PWWP3A: variants seen among roughly 807,000 people sequenced by gnomAD.
The protein encoded by PWWP3A is PWWP domain containing 3A, DNA repair factor.
A neutral mutation model predicts 79.0 loss-of-function variants in PWWP3A; 53 were observed. The ratio of observed to expected loss-of-function variants is 0.67; its 90% CI spans 0.54 to 0.84. PWWP3A has a LOEUF of 0.84. Ranked by LOEUF, PWWP3A falls within the 40% of genes least tolerant of loss-of-function variation. PWWP3A has a pLI of 0.00. For synonymous variants in PWWP3A, 443 were observed against 394.4 expected, an observed-to-expected ratio of 1.12 and a Z score of -1.46; for missense variants, 973 against 948.0, an observed-to-expected ratio of 1.03 and a Z score of -0.35.
At chr19:1,371,947 G>A (rs2082270305) in intron 12 of PWWP3A, among the ~76,000 whole-genome samples, 1 of 151,748 alleles carries the variant, frequency 6.6e-6, no homozygotes, top group African/African-American at 2.4e-5. Context: ...TGGGACTACA[G>A]GCGCCCGCCA....
At position 1,376,724 on chromosome 19, in the gene PWWP3A, G is replaced by A. The variant is rs266805; in HGVS notation, c.*148G>A. On this transcript the variant is annotated 3_prime_UTR_variant, in exon 14 of 14. Coordinates refer to ENST00000591337, the MANE Select transcript of PWWP3A (RefSeq NM_001369789.1). ...CCTGCGTGGCAGTCCTGATTTCCAT[G>A]CTTCTGGAGAATCCATTTCGTTAAC... 0.74 allele frequency: 449,445 copies of A among 609,918 alleles called. 167,476 individuals are homozygous for A. Among genetic ancestry groups the A allele is most frequent in the African/African-American group, 0.89 (47,161 of 52,882 alleles). The allele number at this position is 609,918 out of a possible 1,614,324, so 37.8% of individuals were successfully genotyped here.
At position 1,362,310 on chromosome 19, in the gene PWWP3A, A is replaced by G; in HGVS notation, c.1172A>G (p.Asp391Gly). The part of the protein sequence containing the change: ...SNSMRSILEE[D>G]EEDEEPPRVL... The stretch of plus-strand genomic sequence containing the variant: ...TCCATGCGTTCTATCCTGGAGGAAG[A>G]CGAGGAAGACGAGGAGCCACCAAGA... The change falls in exon 6 of 14, where the codon GAC becomes GGC. Residue 391 changes from aspartate to glycine, a missense_variant. Coordinates refer to ENST00000591337, the MANE Select transcript of PWWP3A (RefSeq NM_001369789.1). The G allele has an allele frequency of 1.2e-6, 2 of 1,613,766 alleles. No individual in the cohort carries two copies. The highest frequency in any genetic ancestry group is 1.1e-5 in the South Asian group (1 of 90,998).
chr19:1,367,376 T>G (rs890204767), intron 9 of PWWP3A, among the ~76,000 whole-genome samples, 156 bp downstream of exon 9: 1 of 152,146 alleles, frequency 6.6e-6, no homozygotes, highest in African/African-American at 2.4e-5. Context: ...GCCGTTAGAG[T>G]TAGATCGTGG....
rs918950166 is a variant in PWWP3A, at chr19:1,356,538, T to G, written c.57+89T>G. 7 of 1,300,548 alleles carry G rather than the reference T, an allele frequency of 5.4e-6. No individual in the cohort carries two copies. In the African/African-American group the frequency reaches 8.7e-5, roughly 16 times the overall value. 80.6% of individuals were successfully genotyped at this position (1,300,548 alleles called of 1,614,324 possible). ...TGATCAGGAGATACCTAGGATTTGC[T>G]TCAGTGAAATAATTGAGCCAGAACA... is the stretch of plus-strand genomic sequence containing the variant. On this transcript the variant is annotated intron_variant, in intron 2 of 13. Coordinates refer to ENST00000591337, the MANE Select transcript of PWWP3A (RefSeq NM_001369789.1).
rs2082411933 is a variant in PWWP3A at position 1,376,739 on chromosome 19, ATTTCG to A, written c.*166_*170del. On this transcript the variant is annotated 3_prime_UTR_variant, in exon 14 of 14. Transcript: ENST00000591337. ...TGATTTCCATGCTTCTGGAGAATCC[ATTTCG>A]TTAACACTGAAAGCCAGTTCTCTTT... 1 of 543,294 alleles carries A rather than the reference ATTTCG, an allele frequency of 1.8e-6. No individual in the cohort carries two copies. Among genetic ancestry groups the A allele is most frequent in the East Asian group, 3.2e-5 (1 of 31,262 alleles). The allele number at this position is 543,294 out of a possible 1,614,324, so 33.7% of individuals were successfully genotyped here. A position where few individuals can be genotyped will look rare whatever the true frequency, so the allele number is the denominator to read the frequency against.
intron 1 of PWWP3A, among the ~76,000 whole-genome samples, chr19:1,355,844 C>T (rs1208502210): frequency 6.6e-6 from 1 of 151,848 alleles, no homozygotes; most frequent in Non-Finnish European, 1.5e-5. Flanking sequence ...CAGTCCTTCC[C>T]ATTGATGCTG....
intron 12 of PWWP3A, 109 bp downstream of exon 12, chr19:1,371,187 C>A (rs779412098): frequency 2.4e-6 from 3 of 1,275,832 alleles, no homozygotes; most frequent in Admixed American, 2.0e-5. Flanking sequence ...CCTGGCCGTT[C>A]GGCGGCCAAC....
At chr19:1,362,142 G>A (rs937875401) in intron 5 of PWWP3A, 108 bp from the exon 6 acceptor site, 3 of 861,686 alleles carry the variant, frequency 3.5e-6, no homozygotes, top group East Asian at 2.7e-5. Flanking sequence ...GTATAGCATG[G>A]AACCTTTTCT....
Position 1,376,625 on chromosome 19 carries a change from C to G in PWWP3A, c.*49C>G. ...GCGGGGCCTGGCGGTGGAAGCGCCT[C>G]CAGTGTGCATGAGCGTGTCTGAAGA... On this transcript the variant is annotated 3_prime_UTR_variant, in exon 14 of 14. Transcript: ENST00000591337. The G allele has an allele frequency of 1.9e-6, 3 of 1,592,334 alleles. No individual in the cohort carries two copies. Among genetic ancestry groups the G allele is most frequent in the African/African-American group, 1.3e-5 (1 of 74,552 alleles).
chr19:1,355,091 C>G lies in PWWP3A; in HGVS notation c.-114C>G, dbSNP rs2081811268. The G allele has an allele frequency of 6.6e-6, 1 of 151,966 alleles. No homozygotes were observed. The highest frequency in any genetic ancestry group is 1.5e-5 in the Non-Finnish European group (1 of 67,686). 9.4% of individuals were successfully genotyped at this position (151,966 alleles called of 1,614,324 possible). On this transcript the variant is annotated 5_prime_UTR_variant, in exon 1 of 14. Transcript: ENST00000591337. The stretch of plus-strand genomic sequence containing the variant: ...CCGCTGTTGCGGCCGCTGCGGCCTC[C>G]TTGCCCGGGCTTGGGGCGCCGCGCT...
At chr19:1,374,276 G>C (rs938159960) in intron 13 of PWWP3A, 1 of 152,172 alleles carries the variant, frequency 6.6e-6, no homozygotes, top group Non-Finnish European at 1.5e-5. Context: ...CCCGTGACCT[G>C]TGAGAATGGT....
At chr19:1,366,218 AGATGTAT>A in intron 7 of PWWP3A, 80 bp from the exon 8 acceptor site, 1 of 1,320,176 alleles carries the variant, frequency 7.6e-7, no homozygotes, top group Non-Finnish European at 1.1e-6. Context: ...AGCGCCTGTT[AGATGTAT>A]CATGTGATGT....
chr19:1,362,006 C>T, intron 5 of PWWP3A: 1 of 347,684 alleles, frequency 2.9e-6, no homozygotes, highest in Non-Finnish European at 5.3e-6. Context: ...TTACGGCCCG[C>T]CTTCCCTTCA....
intron 8 of PWWP3A, 91 bp from the exon 9 acceptor site, chr19:1,367,069 C>A: frequency 9.9e-7 from 1 of 1,009,018 alleles, no homozygotes; most frequent in Non-Finnish European, 1.5e-6. Flanking sequence ...CCTCCAGCGG[C>A]CTCCACTGAT....
rs1233477849 is a variant in PWWP3A at position 1,366,358 on chromosome 19, A to G, written c.1338A>G (p.Gly446=). 6.2e-7 allele frequency: 1 copy of G among 1,614,236 alleles called. No individual in the cohort carries two copies. The highest frequency in any genetic ancestry group is 1.1e-5 in the South Asian group (1 of 91,088). The change falls in exon 8 of 14, where the codon GGA becomes GGG. Residue 446 remains glycine, a synonymous_variant. Coordinates refer to ENST00000591337, the MANE Select transcript of PWWP3A (RefSeq NM_001369789.1). Reference sequence around the variant, plus strand: ...AAGCAAGTGTGCTATACATCGAAGGACACATGAACCCGAAAATGAAAGGGT... The same window carrying G: ...AAGCAAGTGTGCTATACATCGAAGGGCACATGAACCCGAAAATGAAAGGGT... The part of the protein sequence containing the change: ...DKKASVLYIE[G]HMNPKMKGFT...
chr19:1,370,847 G>T lies in PWWP3A; in HGVS notation c.1755G>T (p.Ala585=). ...LVEYIVKAKG[A]ESHLRAILKS... ...AGTACATTGTGAAGGCCAAGGGCGCGGAGAGCCACCTGCGGGCCATCCTAA... is the reference window on the plus strand; with the variant it reads ...AGTACATTGTGAAGGCCAAGGGCGCTGAGAGCCACCTGCGGGCCATCCTAA... Residue 585 remains alanine (A), a synonymous_variant, in exon 12 of 14, where the codon GCG becomes GCT. Coordinates refer to ENST00000591337, the MANE Select transcript of PWWP3A (RefSeq NM_001369789.1). 6.4e-7 allele frequency: 1 copy of T among 1,568,694 alleles called. No individual in the cohort carries two copies. The highest frequency in any genetic ancestry group is 8.6e-7 in the Non-Finnish European group (1 of 1,156,850).
rs1229252195 is a variant in PWWP3A at position 1,357,032 on chromosome 19, A to G, written c.81A>G (p.Ser27=). Residue 27 remains serine (S), a synonymous_variant, in exon 3 of 14, where the codon TCA becomes TCG. Transcript: ENST00000591337. ...PAKVLARTAT[S]TKNKRRKEYF... is the part of the protein sequence containing the mutation. ...AGGTTTTGGCCCGAACCGCGACTTCAACAAAAAATAAGAGAAGAAAGGAAT... is the reference window on the plus strand; with the variant it reads ...AGGTTTTGGCCCGAACCGCGACTTCGACAAAAAATAAGAGAAGAAAGGAAT... 1 of 1,613,396 alleles carries G rather than the reference A, an allele frequency of 6.2e-7. No individual in the cohort carries two copies. The highest frequency in any genetic ancestry group is 2.2e-5 in the East Asian group (1 of 44,874).
chr19:1,369,185 C>G lies in PWWP3A; in HGVS notation c.1423-80C>G. 1 of 1,356,898 alleles carries G rather than the reference C, an allele frequency of 7.4e-7. No homozygotes were observed. Among genetic ancestry groups the G allele is most frequent in the Non-Finnish European group, 1.0e-6 (1 of 956,396 alleles). 84.1% of individuals were successfully genotyped at this position (1,356,898 alleles called of 1,614,324 possible). Reference sequence around the variant, plus strand: ...GAGCAGCCTGGACACCTGGCTGGTCCCTGGGCTCTGCGTGGCTTCTGAACC... The same window carrying G: ...GAGCAGCCTGGACACCTGGCTGGTCGCTGGGCTCTGCGTGGCTTCTGAACC... On this transcript the variant is annotated intron_variant, in intron 9 of 13. Transcript: ENST00000591337. The surrounding 1 kb of genome is among the most constrained non-coding windows in gnomAD (Gnocchi z 4.0).
chr19:1,358,235 C>G (rs1293068991), intron 3 of PWWP3A, 159 bp from the exon 4 acceptor site: 1 of 617,756 alleles, frequency 1.6e-6, no homozygotes, highest in Non-Finnish European at 2.8e-6. Context: ...TGCCTGTAAC[C>G]TCAGGCAGAT....
Sources: gnomAD v4.1 joint callset for allele counts (sites outside exome capture counted in the v4.1 genomes callset) on GRCh38, gnomAD v4.1.1 for gene constraint, Gnocchi (gnomAD v3.1) non-coding constraint, MANE v1.5 for transcripts, NCBI Gene and HGNC (gene_info 2026-07-23, HGNC 2026-07-21) for gene names.